Variants in DPYSL2 observed in about 807,000 individuals in gnomAD.
DPYSL2 encodes dihydropyrimidinase-related protein 2.
A neutral mutation model predicts 69.9 loss-of-function variants in DPYSL2; 13 were observed. The ratio of observed to expected loss-of-function variants is 0.19; its 90% confidence interval spans 0.12 to 0.30. The LOEUF (loss-of-function observed/expected upper bound fraction) is 0.30. Ranked by LOEUF, DPYSL2 falls within the 10% of genes least tolerant of loss-of-function variation. The pLI is 1.00. For synonymous variants in DPYSL2, 326 were observed against 359.1 expected, an observed-to-expected ratio of 0.91 and a Z score of 1.04; for missense variants, 587 against 918.9, an observed-to-expected ratio of 0.64 and a Z score of 4.67.
At position 26,583,710 on chromosome 8, in the gene DPYSL2, A is replaced by G. The variant is rs1801537310; in HGVS notation, c.444-89A>G. 5 of 1,216,054 alleles carry G rather than the reference A, an allele frequency of 4.1e-6. No individual in the cohort carries two copies. In the South Asian group the frequency reaches 7.4e-5, roughly 18 times the overall value. The allele number at this position is 1,216,054 out of a possible 1,614,324, so 75.3% of individuals were successfully genotyped here. The stretch of plus-strand genomic sequence containing the variant: ...AAAAGCCCACGGCACAGAGCGGAGG[A>G]TAGTTTATAGGTTAGTGAAAGTAGC... On this transcript the variant is annotated intron_variant, in intron 2 of 13. Transcript: ENST00000521913.
rs1801924436 is a variant in DPYSL2 at position 26,598,791 on chromosome 8, CT to C, written c.628+14810del. On this transcript the variant is annotated intron_variant, in intron 3 of 13. Transcript: ENST00000521913. This position sits in a 1 kb window ranked among gnomAD's most constrained non-coding sequence, Gnocchi z 4.2. ...TGAAGAGCAGGTTTGAGACTTACAC[CT>C]TGTTTATTGCAATCTTTCTTTCATT... Among the ~76,000 whole-genome samples, 1 of 149,390 alleles carries C rather than the reference CT, an allele frequency of 6.7e-6. No individual in the cohort carries two copies. Among genetic ancestry groups the C allele is most frequent in the Non-Finnish European group, 1.5e-5 (1 of 67,708 alleles).
chr8:26,591,222 A>G lies in DPYSL2; in HGVS notation c.628+7239A>G, dbSNP rs1801719700. 6.6e-6 allele frequency among the ~76,000 whole-genome samples: 1 copy of G among 152,158 alleles called. No individual in the cohort carries two copies. Among genetic ancestry groups the G allele is most frequent in the Non-Finnish European group, 1.5e-5 (1 of 68,028 alleles). On this transcript the variant is annotated intron_variant, in intron 3 of 13. Coordinates refer to ENST00000521913, the MANE Select transcript of DPYSL2 (RefSeq NM_001197293.3). The surrounding 1 kb of genome is among the most constrained non-coding windows in gnomAD (Gnocchi z 5.8). The stretch of plus-strand genomic sequence containing the variant: ...CTTGCCCTAAAGCTGGGTCACACAG[A>G]CTATTGGGAACTTCCTGTCGATCCT...
chr8:26,522,666 C>T (rs1162591770), intron 1 of DPYSL2, among the ~76,000 whole-genome samples: 1 of 152,070 alleles, frequency 6.6e-6, no homozygotes, highest in Non-Finnish European at 1.5e-5. Flanking sequence ...AATGTCTGTT[C>T]AAAACTTTGT....
chr8:26,514,278 G>C lies in DPYSL2; in HGVS notation c.-48G>C. 7.1e-7 allele frequency: 1 copy of C among 1,406,076 alleles called. No individual in the cohort carries two copies. Among genetic ancestry groups the C allele is most frequent in the East Asian group, 2.7e-5 (1 of 36,842 alleles). 87.1% of individuals were successfully genotyped at this position (1,406,076 alleles called of 1,614,324 possible). On this transcript the variant is annotated 5_prime_UTR_variant, in exon 1 of 14. Coordinates refer to ENST00000521913, the MANE Select transcript of DPYSL2 (RefSeq NM_001197293.3). This position sits in a 1 kb window ranked among gnomAD's most constrained non-coding sequence, Gnocchi z 8.4. Reference sequence around the variant, plus strand: ...ACACAGCGAGGGAGACTTAGGGACTGGCAGACGGACGGACGGACGGCGAGG... The same window carrying C: ...ACACAGCGAGGGAGACTTAGGGACTCGCAGACGGACGGACGGACGGCGAGG...
intron 1 of DPYSL2, among the ~76,000 whole-genome samples, chr8:26,561,362 G>A (rs1440372006): frequency 6.6e-6 from 1 of 152,152 alleles, no homozygotes; most frequent in Non-Finnish European, 1.5e-5. Flanking sequence ...CTCAGCTGGT[G>A]TCGTAGAATT....
Position 26,580,630 on chromosome 8 carries a change from C to G in DPYSL2, c.355-1339C>G, listed in dbSNP as rs767698798. Among the ~76,000 whole-genome samples, 6 of 152,142 alleles carry G rather than the reference C, an allele frequency of 3.9e-5. No individual in the cohort carries two copies. The highest frequency in any genetic ancestry group is 7.4e-5 in the Non-Finnish European group (5 of 68,024). ...TAAAATTATCTTTTTTCCTTGCTCT[C>G]TAGTAGCTTATCTCTTTTTTAAAGA... On this transcript the variant is annotated intron_variant, in intron 1 of 13. Coordinates refer to ENST00000521913, the MANE Select transcript of DPYSL2 (RefSeq NM_001197293.3). This position sits in a 1 kb window ranked among gnomAD's most constrained non-coding sequence, Gnocchi z 4.1.
In DPYSL2 at chr8:26,640,034, T is replaced by A. The variant is rs1218037260; in HGVS notation, c.1127-3405T>A. Among the ~76,000 whole-genome samples the A allele has an allele frequency of 6.6e-6, 1 of 150,850 alleles. No homozygotes were observed. The highest frequency in any genetic ancestry group is 2.4e-5 in the African/African-American group (1 of 41,428). ...GGAGAATGGTGAGAGCGTGTGTAAC[T>A]GTCTGTCTGTCTGTCCATCCCAGTT... is the stretch of plus-strand genomic sequence containing the variant. On this transcript the variant is annotated intron_variant, in intron 8 of 13. Transcript: ENST00000521913. This position sits in a 1 kb window ranked among gnomAD's most constrained non-coding sequence, Gnocchi z 4.2.
chr8:26,519,374 C>T (rs933472626), intron 1 of DPYSL2, among the ~76,000 whole-genome samples: 1 of 152,132 alleles, frequency 6.6e-6, no homozygotes, highest in Non-Finnish European at 1.5e-5. Context: ...TTCCTTGGAG[C>T]CCAGGTGATA....
In DPYSL2 at chr8:26,624,953, G is replaced by C. The variant is rs1802582725; in HGVS notation, c.793+646G>C. ...AAGAGCCAGGCCACATCATCTTCCTGGGTCTCGCTGGGCTTGGCTAGAGAC... is the reference window on the plus strand; with the variant it reads ...AAGAGCCAGGCCACATCATCTTCCTCGGTCTCGCTGGGCTTGGCTAGAGAC... On this transcript the variant is annotated intron_variant, in intron 4 of 13. Transcript: ENST00000521913. The surrounding 1 kb of genome is among the most constrained non-coding windows in gnomAD (Gnocchi z 4.7). Among the ~76,000 whole-genome samples, 1 of 152,152 alleles carries C rather than the reference G, an allele frequency of 6.6e-6. No individual in the cohort carries two copies. The highest frequency in any genetic ancestry group is 1.5e-5 in the Non-Finnish European group (1 of 68,026).
At position 26,616,274 on chromosome 8, in the gene DPYSL2, AC is replaced by A. The variant is rs200322651; in HGVS notation, c.629-7867del. ...TTTATGCCCTTTTTTTCAGAGCAAA[AC>A]CACGTTATCCTAACTGCCAAGCACA... On this transcript the variant is annotated intron_variant, in intron 3 of 13. Coordinates refer to ENST00000521913, the MANE Select transcript of DPYSL2 (RefSeq NM_001197293.3). Among the ~76,000 whole-genome samples, 1,365 of 152,038 alleles carry A rather than the reference AC, an allele frequency of 9.0e-3. 17 individuals carry two copies. Among genetic ancestry groups the A allele is most frequent in the African/African-American group, 0.03 (1,233 of 41,430 alleles).
intron 1 of DPYSL2, among the ~76,000 whole-genome samples, chr8:26,524,442 G>A (rs1243701111): frequency 3.3e-5 from 5 of 151,980 alleles, no homozygotes; most frequent in African/African-American, 4.8e-5. Context: ...ATCTTACTGC[G>A]TAAAAATAAC....
At chr8:26,646,627 G>C (rs572095982) in intron 10 of DPYSL2, among the ~76,000 whole-genome samples, 1 of 152,244 alleles carries the variant, frequency 6.6e-6, no homozygotes, top group African/African-American at 2.4e-5. Context: ...GGGAGGGGAA[G>C]CACTTGAGGA....
intron 1 of DPYSL2, among the ~76,000 whole-genome samples, chr8:26,526,857 G>C (rs1158603232): frequency 2.0e-5 from 3 of 152,234 alleles, no homozygotes; most frequent in Admixed American, 2.0e-4. Context: ...TCTGGGCTTT[G>C]GTTGGTTGAT....
chr8:26,572,570 G>C (rs1242628229), intron 1 of DPYSL2, among the ~76,000 whole-genome samples: 2 of 152,254 alleles, frequency 1.3e-5, no homozygotes, highest in Admixed American at 1.3e-4. Context: ...CGCAATCTCG[G>C]CTCACTGCAA....
rs1803299296 is a variant in DPYSL2, at chr8:26,652,508, G to T, written c.1776+72G>T. 2.0e-6 allele frequency: 3 copies of T among 1,471,950 alleles called. No homozygotes were observed. In the Admixed American group the frequency reaches 5.7e-5, roughly 28 times the overall value. 91.2% of individuals were successfully genotyped at this position (1,471,950 alleles called of 1,614,324 possible). ...GTTCAAGGCCACAAACATTTATTAA[G>T]CACCTTGAGACAGAATATTAAGATG... is the stretch of plus-strand genomic sequence containing the variant. On this transcript the variant is annotated intron_variant, in intron 12 of 13. Coordinates refer to ENST00000521913, the MANE Select transcript of DPYSL2 (RefSeq NM_001197293.3). The surrounding 1 kb of genome is among the most constrained non-coding windows in gnomAD (Gnocchi z 6.3).
chr8:26,547,990 C>G (rs1369259820), intron 1 of DPYSL2: 1 of 267,460 alleles, frequency 3.7e-6, no homozygotes, highest in African/African-American at 2.2e-5. Context: ...TGAGAAGGTC[C>G]TTTTCCTGTT....
At chr8:26,606,212 A>G (rs1287093680) in intron 3 of DPYSL2, among the ~76,000 whole-genome samples, 2 of 152,192 alleles carry the variant, frequency 1.3e-5, no homozygotes, top group African/African-American at 4.8e-5. Context: ...AAATTGTAAA[A>G]TATTCATAGT....
intron 3 of DPYSL2, among the ~76,000 whole-genome samples, chr8:26,599,516 T>C (rs1364901030): frequency 1.3e-5 from 2 of 152,144 alleles, no homozygotes; most frequent in Admixed American, 1.3e-4. Context: ...AGAAAATTTC[T>C]GAGTAAGAGT....
At chr8:26,583,774 C>T (rs1563396715) in intron 2 of DPYSL2, 25 bp from the exon 3 acceptor site, 1 of 1,593,156 alleles carries the variant, frequency 6.3e-7, no homozygotes, top group Non-Finnish European at 8.6e-7. Flanking sequence ...ATTTACAACC[C>T]TTATCACCAA....
Sources: allele counts gnomAD v4.1 joint callset (sites outside exome capture counted in the v4.1 genomes callset), GRCh38; gene constraint gnomAD v4.1.1; non-coding constraint Gnocchi (gnomAD v3.1); transcripts MANE v1.5; gene names NCBI Gene and HGNC (gene_info 2026-07-23, HGNC 2026-07-21).